Variants in TMEFF2 observed in about 807,000 individuals in gnomAD.
The protein encoded by TMEFF2 is transmembrane protein with EGF like and two follistatin like domains 2.
In TMEFF2, 28 loss-of-function variants were observed where a neutral mutation model predicts 53.8. The observed-to-expected ratio is 0.52, with a 90% CI of 0.39 to 0.71. TMEFF2 has a LOEUF of 0.71. Ranked by LOEUF, TMEFF2 falls within the 30% of genes least tolerant of loss-of-function variation. The probability of loss-of-function intolerance (pLI) is 0.00; values close to 1 mark genes in which losing one functional copy is unlikely to be tolerated. For missense variants in TMEFF2, 353 were observed against 455.2 expected (o/e 0.78, Z 2.04); for synonymous variants, 162 against 166.3 (o/e 0.97, Z 0.20).
chr2:192,176,461 C>T (rs1691047585), intron 4 of TMEFF2, among the ~76,000 whole-genome samples: 1 of 151,252 alleles, frequency 6.6e-6, no homozygotes, highest in African/African-American at 2.4e-5. Flanking sequence ...GACAGCCAAA[C>T]ATTAAGATTT....
At chr2:191,957,184 C>T (rs1250733816) in intron 7 of TMEFF2, among the ~76,000 whole-genome samples, 2 of 152,068 alleles carry the variant, frequency 1.3e-5, no homozygotes, top group African/African-American at 4.8e-5. Context: ...ATTTTTTGAC[C>T]TTTGTTAGTC....
intron 7 of TMEFF2, among the ~76,000 whole-genome samples, chr2:191,977,949 A>G (rs1189561303): frequency 1.3e-5 from 2 of 152,226 alleles, no homozygotes; most frequent in Admixed American, 6.5e-5. Flanking sequence ...CTCAGCTTTT[A>G]TCATTAATAA....
chr2:192,051,394 A>T (rs1352856675), intron 5 of TMEFF2, among the ~76,000 whole-genome samples: 1 of 152,148 alleles, frequency 6.6e-6, no homozygotes. Flanking sequence ...TTTTGTGACT[A>T]ATCAGCATCC....
chr2:191,985,497 G>A (rs142483483), intron 7 of TMEFF2, among the ~76,000 whole-genome samples: 156 of 152,006 alleles, frequency 1.0e-3, no homozygotes, highest in African/African-American at 3.5e-3. Context: ...CAAAACAACT[G>A]TTCCATCTTT....
At chr2:192,065,452 A>G (rs1234283360) in intron 4 of TMEFF2, among the ~76,000 whole-genome samples, 1 of 151,838 alleles carries the variant, frequency 6.6e-6, no homozygotes, top group African/African-American at 2.4e-5. Flanking sequence ...AATATGACAC[A>G]AAAATACTGG....
chr2:192,107,353 A>T (rs1390985643), intron 4 of TMEFF2, among the ~76,000 whole-genome samples: 1 of 151,656 alleles, frequency 6.6e-6, no homozygotes, highest in East Asian at 1.9e-4. Context: ...GAAAAAGAAA[A>T]TTTCCAGAGC....
intron 4 of TMEFF2, among the ~76,000 whole-genome samples, chr2:192,146,583 T>C (rs1278046979): frequency 6.6e-6 from 1 of 152,058 alleles, no homozygotes; most frequent in Non-Finnish European, 1.5e-5. Context: ...ATTGAGAGAA[T>C]GTGAATATCC....
intron 4 of TMEFF2, among the ~76,000 whole-genome samples, chr2:192,126,906 T>C (rs1233540465): frequency 1.3e-5 from 2 of 152,196 alleles, no homozygotes; most frequent in Admixed American, 1.3e-4. Context: ...TTCCTCCCAC[T>C]TCAGGCAATT....
At chr2:192,117,047 T>C (rs1689430628) in intron 4 of TMEFF2, among the ~76,000 whole-genome samples, 1 of 152,164 alleles carries the variant, frequency 6.6e-6, no homozygotes, top group African/African-American at 2.4e-5. Flanking sequence ...TTTCAATAGA[T>C]GTTTGATATT....
chr2:192,094,974 TA>T (rs1688870548), intron 4 of TMEFF2, among the ~76,000 whole-genome samples: 1 of 152,236 alleles, frequency 6.6e-6, no homozygotes, highest in Admixed American at 6.5e-5. Context: ...AAGCTTCCAA[TA>T]ATTAAGTTTC....
chr2:192,132,562 GA>G (rs990772158), intron 4 of TMEFF2, among the ~76,000 whole-genome samples: 54 of 148,466 alleles, frequency 3.6e-4, no homozygotes, highest in African/African-American at 1.0e-3. Flanking sequence ...GTACAATAAT[GA>G]AAAAAAAAAG....
intron 5 of TMEFF2, among the ~76,000 whole-genome samples, chr2:192,013,678 G>A (rs1298017439): frequency 6.6e-6 from 1 of 152,106 alleles, no homozygotes; most frequent in East Asian, 1.9e-4. Flanking sequence ...TCAAACTCCT[G>A]ACCTCAGGCG....
rs539188039 is a variant in TMEFF2, at chr2:191,958,484, T to TTTTAGTC, written c.746-2113_746-2107dup. ...GAATTTTTTAAAGTGAAAATCCGGT[T>TTTTAGTC]TTTAGTCTATTTTATTTTTAACACT... On this transcript the variant is annotated intron_variant, in intron 7 of 9. Transcript: ENST00000272771. Among the ~76,000 whole-genome samples the TTTTAGTC allele has an allele frequency of 1.2e-3, 190 of 152,330 alleles. 2 individuals are homozygous for TTTTAGTC. The highest frequency in any genetic ancestry group is 4.4e-3 in the African/African-American group (185 of 41,576).
intron 7 of TMEFF2, among the ~76,000 whole-genome samples, chr2:191,990,416 A>AGTGTGTGTGT (rs55848067): frequency 0.012 from 1,800 of 147,296 alleles, 36 homozygotes; most frequent in African/African-American, 0.035. Flanking sequence ...TGCTCAGAAT[A>AGTGTGTGTGT]GTGTGTGTGT....
At chr2:191,955,524 A>ATATTTTTTTTTTT (rs1692048584) in intron 8 of TMEFF2, among the ~76,000 whole-genome samples, 1 of 60,304 alleles carries the variant, frequency 1.7e-5, no homozygotes, top group Non-Finnish European at 2.9e-5. Context: ...CTAATTCTTA[A>ATATTTTTTTTTTT]TTTTTTTTTT....
At chr2:192,103,299 C>T (rs1689075723) in intron 4 of TMEFF2, among the ~76,000 whole-genome samples, 1 of 152,116 alleles carries the variant, frequency 6.6e-6, no homozygotes, top group African/African-American at 2.4e-5. Flanking sequence ...TTTCTTAGTA[C>T]CAACTGACCA....
In TMEFF2 at chr2:191,972,252, C is replaced by G. The variant is rs1010059357; in HGVS notation, c.746-15874G>C. Among the ~76,000 whole-genome samples, 12 of 146,892 alleles carry G rather than the reference C, an allele frequency of 8.2e-5. 1 individual carries two copies. Among genetic ancestry groups the G allele is most frequent in the African/African-American group, 2.0e-4 (8 of 39,756 alleles). Reference sequence around the variant, plus strand: ...CTCCGCCTCCCGGATTCAAGTGATTCTCCTGCCTCAGCCTCCCGAATAGCT... The same window carrying G: ...CTCCGCCTCCCGGATTCAAGTGATTGTCCTGCCTCAGCCTCCCGAATAGCT... On this transcript the variant is annotated intron_variant, in intron 7 of 9. Transcript: ENST00000272771.
intron 7 of TMEFF2, among the ~76,000 whole-genome samples, chr2:191,961,354 C>T (rs920848996): frequency 5.3e-5 from 8 of 151,996 alleles, no homozygotes; most frequent in African/African-American, 1.9e-4. Context: ...GCTGTTGGTC[C>T]ACAAAATGTG....
At chr2:192,134,854 T>G (rs1351433351) in intron 4 of TMEFF2, among the ~76,000 whole-genome samples, 1 of 152,146 alleles carries the variant, frequency 6.6e-6, no homozygotes, top group East Asian at 1.9e-4. Context: ...ATTAGTCAAA[T>G]CAGCCAAGCA....
Sources: gnomAD v4.1 joint callset for allele counts (sites outside exome capture counted in the v4.1 genomes callset) on GRCh38, gnomAD v4.1.1 for gene constraint, MANE v1.5 for transcripts, NCBI Gene and HGNC (gene_info 2026-07-23, HGNC 2026-07-21) for gene names.